The following RPS6KA5 variants were observed in gnomAD, a reference collection of about 807,000 sequenced individuals.
RPS6KA5 encodes ribosomal protein S6 kinase alpha-5.
In RPS6KA5, 27 loss-of-function variants were observed where a neutral mutation model predicts 85.5. The observed-to-expected ratio is 0.32, with a 90% CI of 0.23 to 0.44. The LOEUF (loss-of-function observed/expected upper bound fraction) is 0.44. Among genes scored for constraint, RPS6KA5 ranks in the 20% least tolerant of loss-of-function variants. The pLI, the probability that RPS6KA5 is intolerant of heterozygous loss-of-function variation, is 1.00. For synonymous variants in RPS6KA5, 334 were observed against 348.2 expected, an observed-to-expected ratio of 0.96 and a Z score of 0.46; for missense variants, 811 against 980.9, an observed-to-expected ratio of 0.83 and a Z score of 2.31.
rs2035013432 is a variant in RPS6KA5 at position 90,899,217 on chromosome 14, G to T, written c.1473+112C>A. On this transcript the variant is annotated intron_variant, in intron 12 of 16. Transcript: ENST00000614987. ...TCACTGCCCTTTCTGGTGGCTGGGT[G>T]ATGTTCTATATCCCTGACTCTGACC... The T allele has an allele frequency of 4.4e-6, 3 of 685,730 alleles. No individual in the cohort carries two copies. In the East Asian group the frequency reaches 8.1e-5, roughly 18 times the overall value. 42.5% of individuals were successfully genotyped at this position (685,730 alleles called of 1,614,324 possible).
intron 1 of RPS6KA5, among the ~76,000 whole-genome samples, chr14:91,020,614 T>TTTTG (rs761685247): frequency 5.5e-5 from 5 of 91,328 alleles, no homozygotes; most frequent in Admixed American, 1.1e-4. Context: ...ATATATCCTA[T>TTTTG]TGTGTGTGTG....
At chr14:90,890,118 A>G (rs77716437) in intron 14 of RPS6KA5, among the ~76,000 whole-genome samples, 3,579 of 152,304 alleles carry the variant, frequency 0.023, 59 homozygotes, top group Middle Eastern at 0.037. Context: ...ATTACATTTT[A>G]GTCTGAAACT....
intron 1 of RPS6KA5, among the ~76,000 whole-genome samples, chr14:91,038,234 GT>G (rs1175801539): frequency 4.6e-5 from 7 of 152,160 alleles, no homozygotes; most frequent in African/African-American, 1.7e-4. Flanking sequence ...CTCTTCCCAT[GT>G]TAGGGTCAGA....
intron 2 of RPS6KA5, among the ~76,000 whole-genome samples, chr14:90,999,510 G>A (rs1437186575): frequency 6.6e-6 from 1 of 152,148 alleles, no homozygotes; most frequent in African/African-American, 2.4e-5. Flanking sequence ...TGGGGAGGAG[G>A]AGGGGGAGGG....
At chr14:90,953,058 C>G (rs1475592497) in intron 3 of RPS6KA5, among the ~76,000 whole-genome samples, 1 of 152,132 alleles carries the variant, frequency 6.6e-6, no homozygotes, top group Non-Finnish European at 1.5e-5. Context: ...AACGAACAAG[C>G]CTTCAGCACC....
intron 5 of RPS6KA5, among the ~76,000 whole-genome samples, chr14:90,940,656 G>GA (rs2037520008): frequency 6.6e-6 from 1 of 152,148 alleles, no homozygotes; most frequent in Non-Finnish European, 1.5e-5. Flanking sequence ...TGTACTACCA[G>GA]AACCTAGCCT....
intron 3 of RPS6KA5, among the ~76,000 whole-genome samples, chr14:90,971,390 C>T (rs1158519083): frequency 6.6e-6 from 1 of 152,170 alleles, no homozygotes; most frequent in Non-Finnish European, 1.5e-5. Flanking sequence ...GACCTTAAGG[C>T]TTGCAAAGCC....
chr14:90,959,557 G>A (rs2038692975), intron 3 of RPS6KA5, among the ~76,000 whole-genome samples: 1 of 152,158 alleles, frequency 6.6e-6, no homozygotes, highest in Admixed American at 6.5e-5. Flanking sequence ...AGTAAGGATG[G>A]GGGAAGAACA....
intron 5 of RPS6KA5, among the ~76,000 whole-genome samples, chr14:90,929,538 T>C (rs950823138): frequency 2.0e-5 from 3 of 152,080 alleles, no homozygotes; most frequent in African/African-American, 7.2e-5. Flanking sequence ...TAAATAGAAA[T>C]AAGTCTAATA....
At chr14:90,965,604 G>A (rs2039023589) in intron 3 of RPS6KA5, among the ~76,000 whole-genome samples, 1 of 152,086 alleles carries the variant, frequency 6.6e-6, no homozygotes, top group African/African-American at 2.4e-5. Flanking sequence ...CGAGAGAGGG[G>A]TAAAATGCTC....
chr14:90,983,837 CTCTT>C (rs1222033507), intron 2 of RPS6KA5, among the ~76,000 whole-genome samples: 6 of 137,784 alleles, frequency 4.4e-5, no homozygotes, highest in Admixed American at 7.1e-5. Context: ...CTCTCTCTCT[CTCTT>C]TCTTTTTTTC....
In RPS6KA5 at chr14:90,902,934, C is replaced by A; in HGVS notation, c.993G>T (p.Val331=). The change falls in exon 9 of 17, where the codon GTG becomes GTT. Residue 331 remains valine, a synonymous_variant. Coordinates refer to ENST00000614987, the MANE Select transcript of RPS6KA5 (RefSeq NM_004755.4). The part of the protein sequence containing the change: ...INWDDLAAKK[V]PAPFKPVIRD... ...GAATGACTGGCTTAAATGGTGCAGG[C>A]ACTTTTTTGGCGGCTAAATCATCCC... 5 of 1,613,324 alleles carry A rather than the reference C, an allele frequency of 3.1e-6. No individual in the cohort carries two copies. The highest frequency in any genetic ancestry group is 4.2e-6 in the Non-Finnish European group (5 of 1,179,632).
chr14:90,876,507 A>G (rs1180019230), intron 14 of RPS6KA5, among the ~76,000 whole-genome samples: 2 of 152,260 alleles, frequency 1.3e-5, no homozygotes, highest in Non-Finnish European at 2.9e-5. Flanking sequence ...ATAACAAACA[A>G]GCCAAGGCTT....
chr14:91,040,748 T>A (rs1465041451), intron 1 of RPS6KA5, among the ~76,000 whole-genome samples: 3 of 152,138 alleles, frequency 2.0e-5, no homozygotes, highest in Non-Finnish European at 4.4e-5. Flanking sequence ...AGTCACCGAT[T>A]GAGAAGAACC....
At chr14:91,014,017 A>T (rs1171481107) in intron 1 of RPS6KA5, among the ~76,000 whole-genome samples, 7 of 152,226 alleles carry the variant, frequency 4.6e-5, no homozygotes, top group Non-Finnish European at 8.8e-5. Context: ...AATCCTGGTG[A>T]CCACGACGTC....
chr14:91,060,193 C>G (rs1340428938), intron 1 of RPS6KA5, 139 bp downstream of exon 1: 1 of 966,652 alleles, frequency 1.0e-6, no homozygotes, highest in South Asian at 4.7e-5. Flanking sequence ...GCACGCGCCC[C>G]GACCGCGACG....
intron 1 of RPS6KA5, among the ~76,000 whole-genome samples, chr14:91,003,805 A>C (rs1455115520): frequency 1.3e-5 from 2 of 152,196 alleles, no homozygotes; most frequent in Admixed American, 6.5e-5. Flanking sequence ...TCCTGAAAAG[A>C]GCTTAGCCCT....
At chr14:90,948,418 C>T (rs1049531852) in intron 3 of RPS6KA5, among the ~76,000 whole-genome samples, 4 of 152,106 alleles carry the variant, frequency 2.6e-5, no homozygotes, top group South Asian at 2.1e-4. Flanking sequence ...AACACTGAGC[C>T]GGGCGCAGTG....
intron 2 of RPS6KA5, among the ~76,000 whole-genome samples, chr14:90,989,037 TAATA>T (rs966213430): frequency 3.3e-5 from 5 of 152,144 alleles, no homozygotes; most frequent in South Asian, 2.1e-4. Context: ...CTATATAAAA[TAATA>T]AATAAATAAT....
Sources: allele counts gnomAD v4.1 joint callset (sites outside exome capture counted in the v4.1 genomes callset), GRCh38; gene constraint gnomAD v4.1.1; transcripts MANE v1.5; gene names NCBI Gene and HGNC (gene_info 2026-07-23, HGNC 2026-07-21).